The following SCD5 variants were observed in gnomAD, a reference collection of about 807,000 sequenced individuals.
The protein encoded by SCD5 is acyl-CoA-desaturase 4.
Under a neutral mutation model 30.4 loss-of-function variants are expected in SCD5, and 20 were observed. That is an observed-to-expected ratio of 0.66 (90% CI 0.46 to 0.96). SCD5 has a LOEUF of 0.96. SCD5 is among the 40% of genes least tolerant of loss of function. The pLI is 0.00. For missense variants in SCD5, 381 were observed against 443.3 expected (o/e 0.86, Z 1.26); for synonymous variants, 173 against 176.4 (o/e 0.98, Z 0.16).
intron 1 of SCD5, among the ~76,000 whole-genome samples, chr4:82,756,378 T>C (rs568468988): frequency 9.2e-5 from 14 of 152,188 alleles, no homozygotes; most frequent in Non-Finnish European, 1.9e-4. Context: ...TTGCTAGCCA[T>C]GTGCCATTCA....
intron 1 of SCD5, among the ~76,000 whole-genome samples, chr4:82,778,927 T>C (rs11931387): frequency 0.095 from 14,362 of 151,536 alleles, 685 homozygotes; most frequent in Middle Eastern, 0.13. Flanking sequence ...AGTGCAGCCG[T>C]ACAATCTCAG....
At chr4:82,688,911 C>T (rs1728770000) in intron 2 of SCD5, among the ~76,000 whole-genome samples, 1 of 152,140 alleles carries the variant, frequency 6.6e-6, no homozygotes, top group South Asian at 2.1e-4. Flanking sequence ...TTTAAAATGG[C>T]ATAGACAGTC....
At chr4:82,687,195 AAAGAAAGAAAAG>A (rs1322810444) in intron 2 of SCD5, among the ~76,000 whole-genome samples, 396 of 20,032 alleles carry the variant, frequency 0.02, 2 homozygotes, top group African/African-American at 0.073. Flanking sequence ...AAAAAGAAAG[AAAGAAAGAAAAG>A]AAAGAAAGAA....
chr4:82,743,982 C>T (rs983494520), intron 1 of SCD5, among the ~76,000 whole-genome samples: 7 of 151,928 alleles, frequency 4.6e-5, no homozygotes, highest in African/African-American at 1.5e-4. Context: ...CGCACCACCA[C>T]ACCTGGATAA....
At chr4:82,678,028 G>T (rs1728472343) in intron 3 of SCD5, among the ~76,000 whole-genome samples, 1 of 152,038 alleles carries the variant, frequency 6.6e-6, no homozygotes, top group Non-Finnish European at 1.5e-5. Context: ...TCAAAGAGCA[G>T]TATTCCTCTA....
intron 1 of SCD5, among the ~76,000 whole-genome samples, chr4:82,745,323 A>G (rs1233952780): frequency 6.6e-6 from 1 of 152,244 alleles, no homozygotes; most frequent in Non-Finnish European, 1.5e-5. Flanking sequence ...TCAAAAGTCC[A>G]CGTAACCAAT....
intron 1 of SCD5, among the ~76,000 whole-genome samples, chr4:82,773,083 G>A (rs1223568345): frequency 6.6e-6 from 1 of 152,044 alleles, no homozygotes; most frequent in East Asian, 1.9e-4. Flanking sequence ...TGCAGGCCCT[G>A]GCCAGCACCC....
chr4:82,660,834 G>A (rs775032808), intron 3 of SCD5: 31 of 1,613,162 alleles, frequency 1.9e-5, no homozygotes, highest in South Asian at 1.3e-4. Flanking sequence ...TATTCTATAC[G>A]TTATCACCAA....
chr4:82,641,309 G>A (rs552577090), intron 3 of SCD5, among the ~76,000 whole-genome samples: 4 of 150,038 alleles, frequency 2.7e-5, no homozygotes, highest in African/African-American at 9.8e-5. Flanking sequence ...ATAATCCCTG[G>A]CTTTGTGGAG....
chr4:82,737,234 C>G (rs545258306), intron 1 of SCD5, among the ~76,000 whole-genome samples: 1 of 152,188 alleles, frequency 6.6e-6, no homozygotes, highest in South Asian at 2.1e-4. Flanking sequence ...TGTGTTTTAA[C>G]TTCTTATAAT....
At chr4:82,675,668 C>T (rs1382840168) in intron 3 of SCD5, among the ~76,000 whole-genome samples, 1 of 152,222 alleles carries the variant, frequency 6.6e-6, no homozygotes, top group East Asian at 1.9e-4. Flanking sequence ...AGAGGAATGT[C>T]TTCCCTAAAA....
intron 2 of SCD5, among the ~76,000 whole-genome samples, chr4:82,695,285 T>C (rs1015242844): frequency 1.3e-5 from 2 of 150,226 alleles, no homozygotes; most frequent in African/African-American, 4.9e-5. Context: ...GGAGAGTCGT[T>C]TAATTTCCAA....
chr4:82,685,730 A>AC (rs1560533591), intron 2 of SCD5, among the ~76,000 whole-genome samples: 1 of 151,942 alleles, frequency 6.6e-6, no homozygotes, highest in African/African-American at 2.4e-5. Context: ...AAACAAACAA[A>AC]AAAAAAAACT....
At chr4:82,688,696 G>T (rs528328426) in intron 2 of SCD5, among the ~76,000 whole-genome samples, 8 of 152,188 alleles carry the variant, frequency 5.3e-5, no homozygotes, top group African/African-American at 1.7e-4. Flanking sequence ...GTGGCACTTG[G>T]TCTACATAGG....
At chr4:82,783,994 A>G (rs1721934960) in intron 1 of SCD5, among the ~76,000 whole-genome samples, 1 of 151,944 alleles carries the variant, frequency 6.6e-6, no homozygotes, top group Admixed American at 6.6e-5. Context: ...AGAAAAAAAT[A>G]TATAGATTCT....
At chr4:82,765,425 G>A (rs1721465868) in intron 1 of SCD5, among the ~76,000 whole-genome samples, 1 of 151,982 alleles carries the variant, frequency 6.6e-6, no homozygotes, top group Non-Finnish European at 1.5e-5. Context: ...CAGTGAATTG[G>A]TTCCAGGACT....
At chr4:82,771,139 T>C (rs760319195) in intron 1 of SCD5, among the ~76,000 whole-genome samples, 4 of 152,106 alleles carry the variant, frequency 2.6e-5, no homozygotes, top group Non-Finnish European at 4.4e-5. Flanking sequence ...GCTAATGTTT[T>C]TGTATTTTTT....
At chr4:82,647,913 T>G (rs1727665297) in intron 3 of SCD5, among the ~76,000 whole-genome samples, 1 of 152,246 alleles carries the variant, frequency 6.6e-6, no homozygotes, top group African/African-American at 2.4e-5. Flanking sequence ...ATTACTCATT[T>G]TTTTTGCCCT....
At chr4:82,751,016 C>T (rs1721091086) in intron 1 of SCD5, among the ~76,000 whole-genome samples, 1 of 152,176 alleles carries the variant, frequency 6.6e-6, no homozygotes, top group South Asian at 2.1e-4. Flanking sequence ...ACTATGTCTT[C>T]CTCCCCAGTC....
Sources: allele counts gnomAD v4.1 joint callset (sites outside exome capture counted in the v4.1 genomes callset), GRCh38; gene constraint gnomAD v4.1.1; transcripts MANE v1.5; gene names NCBI Gene and HGNC (gene_info 2026-07-23, HGNC 2026-07-21).